GPC6: variants seen among roughly 807,000 people sequenced by gnomAD.
GPC6 encodes the protein glypican 6.
In GPC6, 14 loss-of-function variants were observed where a neutral mutation model predicts 55.2. The observed-to-expected ratio is 0.25, with a 90% CI of 0.17 to 0.40. The LOEUF (loss-of-function observed/expected upper bound fraction) is 0.40. GPC6 is among the 10% of genes least tolerant of loss of function. The pLI is 1.00. For missense variants in GPC6, 641 were observed against 708.5 expected, an observed-to-expected ratio of 0.90 and a Z score of 1.08; for synonymous variants, 278 against 259.6, an observed-to-expected ratio of 1.07 and a Z score of -0.68.
intron 4 of GPC6, among the ~76,000 whole-genome samples, chr13:94,144,526 A>T (rs1054682307): frequency 1.6e-5 from 2 of 125,434 alleles, no homozygotes; most frequent in Non-Finnish European, 3.3e-5. Context: ...GGAAAAGATC[A>T]TTCTTTGGGA....
intron 1 of GPC6, among the ~76,000 whole-genome samples, chr13:93,294,586 A>C (rs1400199756): frequency 6.6e-6 from 1 of 152,170 alleles, no homozygotes; most frequent in Non-Finnish European, 1.5e-5. Flanking sequence ...TCAGTACACC[A>C]AGAAAACAAA....
At chr13:93,787,981 CTG>C (rs1252346529) in intron 2 of GPC6, among the ~76,000 whole-genome samples, 4 of 152,210 alleles carry the variant, frequency 2.6e-5, no homozygotes, top group Non-Finnish European at 5.9e-5. Context: ...TAGGAAATCA[CTG>C]AGAAATTTTT....
intron 4 of GPC6, among the ~76,000 whole-genome samples, chr13:94,103,404 T>G (rs1885936590): frequency 6.6e-6 from 1 of 152,200 alleles, no homozygotes; most frequent in African/African-American, 2.4e-5. Context: ...ATATACCCAG[T>G]AATGGGATCA....
Position 93,227,388 on chromosome 13 carries a change from C to T in GPC6, c.-69C>T, listed in dbSNP as rs533965995. 1.5e-4 allele frequency: 233 copies of T among 1,532,668 alleles called. 2 individuals carry two copies. The Middle Eastern group carries it at 2.6e-3, about 17-fold the overall frequency. The allele number at this position is 1,532,668 out of a possible 1,614,324, so 94.9% of individuals were successfully genotyped here. ...CGCGCCGCTGCCTCTGGCGGGCTTT[C>T]GGCTTGAGGGGCAAGGTGAAGAGCG... On this transcript the variant is annotated 5_prime_UTR_variant, in exon 1 of 9. Coordinates refer to ENST00000377047, the MANE Select transcript of GPC6 (RefSeq NM_005708.5). This position sits in a 1 kb window ranked among gnomAD's most constrained non-coding sequence, Gnocchi z 4.3.
At chr13:93,462,562 C>G (rs970591977) in intron 1 of GPC6, among the ~76,000 whole-genome samples, 2 of 149,340 alleles carry the variant, frequency 1.3e-5, no homozygotes, top group Non-Finnish European at 3.0e-5. Context: ...AGCTAAGAAA[C>G]TGAAGTTTGT....
intron 3 of GPC6, among the ~76,000 whole-genome samples, chr13:93,936,422 C>A (rs1324820116): frequency 6.6e-6 from 1 of 151,846 alleles, no homozygotes; most frequent in Non-Finnish European, 1.5e-5. Context: ...TAAACATACA[C>A]ATCTATATGC....
intron 4 of GPC6, among the ~76,000 whole-genome samples, chr13:94,106,755 G>T (rs1172035984): frequency 6.6e-6 from 1 of 152,136 alleles, no homozygotes; most frequent in Non-Finnish European, 1.5e-5. Context: ...ACCTTTCTCA[G>T]TGAAGTAGTA....
intron 1 of GPC6, among the ~76,000 whole-genome samples, chr13:93,342,178 G>A (rs1016593620): frequency 6.6e-6 from 1 of 152,094 alleles, no homozygotes; most frequent in African/African-American, 2.4e-5. Context: ...ATTGAGTTGG[G>A]CAGATTTTTG....
At chr13:93,730,263 G>A (rs1294279138) in intron 2 of GPC6, among the ~76,000 whole-genome samples, 1 of 152,118 alleles carries the variant, frequency 6.6e-6, no homozygotes, top group South Asian at 2.1e-4. Flanking sequence ...TCAAGTGCAG[G>A]AGACAGTGCT....
At chr13:93,258,242 T>C (rs1877021095) in intron 1 of GPC6, among the ~76,000 whole-genome samples, 1 of 152,176 alleles carries the variant, frequency 6.6e-6, no homozygotes, top group Non-Finnish European at 1.5e-5. Context: ...CAATGATATA[T>C]GCCAGTCTCA....
intron 2 of GPC6, among the ~76,000 whole-genome samples, chr13:93,581,425 T>C (rs903838289): frequency 8.5e-5 from 13 of 152,150 alleles, no homozygotes; most frequent in African/African-American, 3.1e-4. Flanking sequence ...AAATAAAATC[T>C]CCGCCAGGTA....
intron 6 of GPC6, among the ~76,000 whole-genome samples, chr13:94,372,575 T>A (rs1200770930): frequency 1.3e-5 from 2 of 150,956 alleles, no homozygotes; most frequent in African/African-American, 4.9e-5. Context: ...GCCCACGGAG[T>A]CTCGCTGATT....
At chr13:94,055,269 G>T (rs187693743) in intron 4 of GPC6, among the ~76,000 whole-genome samples, 1 of 152,140 alleles carries the variant, frequency 6.6e-6, no homozygotes, top group South Asian at 2.1e-4. Flanking sequence ...TACTTTAAAT[G>T]TATGTTACAA....
chr13:94,095,567 G>T (rs1004907794), intron 4 of GPC6, among the ~76,000 whole-genome samples: 1 of 152,178 alleles, frequency 6.6e-6, no homozygotes, highest in South Asian at 2.1e-4. Flanking sequence ...ACACTTTCAG[G>T]GTATTTGAAT....
intron 4 of GPC6, among the ~76,000 whole-genome samples, chr13:94,041,256 A>C (rs1375192191): frequency 6.6e-6 from 1 of 151,842 alleles, no homozygotes; most frequent in Admixed American, 6.6e-5. Flanking sequence ...TTCCATCTGA[A>C]ACCTCTTAAT....
At chr13:94,288,894 A>AT (rs1555316143) in intron 5 of GPC6, among the ~76,000 whole-genome samples, 1 of 129,754 alleles carries the variant, frequency 7.7e-6, no homozygotes, top group Non-Finnish European at 1.6e-5. Context: ...TAATATATAT[A>AT]ACAAATATAT....
chr13:93,787,565 C>T (rs80252320), intron 2 of GPC6, among the ~76,000 whole-genome samples: 4,704 of 152,088 alleles, frequency 0.031, 237 homozygotes, highest in African/African-American at 0.1. Context: ...TTTATTGATA[C>T]GTATTAGATG....
chr13:94,316,666 G>A (rs1472141661), intron 6 of GPC6, among the ~76,000 whole-genome samples: 2 of 147,264 alleles, frequency 1.4e-5, no homozygotes, highest in African/African-American at 5.1e-5. Context: ...GCAGTGAGCC[G>A]AGATCCCGCC....
rs1274908682 is a variant in GPC6 at position 93,993,724 on chromosome 13, T to G, written c.712-34005T>G. Among the ~76,000 whole-genome samples, 3 of 152,206 alleles carry G rather than the reference T, an allele frequency of 2.0e-5. No individual in the cohort carries two copies. The East Asian group carries it at 5.8e-4, about 29-fold the overall frequency. ...TCACTATTCATATGCATTCTGTGAA[T>G]TAGTGCTATGAAAATTTAGTTGGAC... is the stretch of plus-strand genomic sequence containing the variant. On this transcript the variant is annotated intron_variant, in intron 3 of 8. Transcript: ENST00000377047.
Sources: allele counts gnomAD v4.1 joint callset (sites outside exome capture counted in the v4.1 genomes callset), GRCh38; gene constraint gnomAD v4.1.1; non-coding constraint Gnocchi (gnomAD v3.1); transcripts MANE v1.5; gene names NCBI Gene and HGNC (gene_info 2026-07-23, HGNC 2026-07-21).